EPC2: variants seen among roughly 807,000 people sequenced by gnomAD.
EPC2 encodes the protein enhancer of polycomb 2, also known as enhancer of polycomb homolog 2.
A neutral mutation model predicts 92.1 loss-of-function variants in EPC2; 14 were observed. That is an observed-to-expected ratio of 0.15 (90% CI 0.10 to 0.24). The LOEUF (loss-of-function observed/expected upper bound fraction) is 0.24. Ranked by LOEUF, EPC2 falls within the 10% of genes least tolerant of loss-of-function variation. The pLI is 1.00. For missense variants in EPC2, 755 were observed against 971.5 expected (o/e 0.78, Z 2.96); for synonymous variants, 340 against 334.7 (o/e 1.02, Z -0.17).
At chr2:148,752,244 T>C (rs1683094439) in intron 3 of EPC2, among the ~76,000 whole-genome samples, 1 of 151,954 alleles carries the variant, frequency 6.6e-6, no homozygotes. Flanking sequence ...AGAAGTGAAA[T>C]GATCAAGAAG....
At chr2:148,784,400 A>G (rs796701984) in intron 12 of EPC2, among the ~76,000 whole-genome samples, 1 of 152,166 alleles carries the variant, frequency 6.6e-6, no homozygotes, top group African/African-American at 2.4e-5. Context: ...GTCCTGTTAT[A>G]CTTAACTCCA....
intron 2 of EPC2, among the ~76,000 whole-genome samples, chr2:148,709,345 G>A (rs1282332684): frequency 6.6e-6 from 1 of 152,028 alleles, no homozygotes; most frequent in African/African-American, 2.4e-5. Flanking sequence ...AAATAAAAGA[G>A]GACACAAACA....
chr2:148,721,890 C>CTTTTTTTTTTTTTTTTTTTTTTTT, intron 2 of EPC2, among the ~76,000 whole-genome samples: 1 of 60,728 alleles, frequency 1.6e-5, no homozygotes, highest in African/African-American at 6.5e-5. Flanking sequence ...GTTTTGATTT[C>CTTTTTTTTTTTTTTTTTTTTTTTT]TTTTTTTTTT....
chr2:148,678,250 A>G (rs1346737878), intron 1 of EPC2, among the ~76,000 whole-genome samples: 1 of 152,206 alleles, frequency 6.6e-6, no homozygotes, highest in Admixed American at 6.5e-5. Flanking sequence ...AGCTAGATAC[A>G]GAGTGCCGAT....
intron 1 of EPC2, among the ~76,000 whole-genome samples, chr2:148,689,128 G>A (rs1433775033): frequency 6.6e-6 from 1 of 152,026 alleles, no homozygotes; most frequent in African/African-American, 2.4e-5. Context: ...GGAGAGGAGA[G>A]AGGTTGGAAA....
chr2:148,717,282 G>T (rs1364010024), intron 2 of EPC2, among the ~76,000 whole-genome samples: 2 of 147,566 alleles, frequency 1.4e-5, no homozygotes, highest in Non-Finnish European at 3.0e-5. Flanking sequence ...TCTACTGGTA[G>T]CTTTGGGGTC....
chr2:148,707,482 T>C (rs1682027054), intron 2 of EPC2, among the ~76,000 whole-genome samples: 1 of 152,134 alleles, frequency 6.6e-6, no homozygotes, highest in African/African-American at 2.4e-5. Context: ...TGAACTCAGC[T>C]CTGCAACAAG....
At chr2:148,737,087 G>A (rs1041367837) in intron 2 of EPC2, among the ~76,000 whole-genome samples, 5 of 152,200 alleles carry the variant, frequency 3.3e-5, no homozygotes, top group Non-Finnish European at 4.4e-5. Flanking sequence ...AGCAGAGCAA[G>A]ACCATGTCTC....
rs1051227338 is a variant in EPC2 at position 148,644,959 on chromosome 2, C to T, written c.-59C>T. The stretch of plus-strand genomic sequence containing the variant: ...GTGGAGGAGGCGGCGGGAGTCCTCC[C>T]CCCCTCCCCGCCCGCCCCGCCGCCG... On this transcript the variant is annotated 5_prime_UTR_variant, in exon 1 of 14. Transcript: ENST00000258484. 1.3e-5 allele frequency: 19 copies of T among 1,438,766 alleles called. No homozygotes were observed. The Admixed American group carries it at 3.0e-4, about 23-fold the overall frequency. 89.1% of individuals were successfully genotyped at this position (1,438,766 alleles called of 1,614,324 possible).
chr2:148,754,097 C>T lies in EPC2; in HGVS notation c.630C>T (p.Ala210=), dbSNP rs772052540. Residue 210 remains alanine, a synonymous_variant, in exon 4 of 14, where the codon GCC becomes GCT. Transcript: ENST00000258484. Reference sequence around the variant, plus strand: ...CTACCAACAATGACCCTTATGTTGCCTTTCGGAGAAGAACAGAGAAAATGC... The same window carrying T: ...CTACCAACAATGACCCTTATGTTGCTTTTCGGAGAAGAACAGAGAAAATGC... ...DGSTNNDPYV[A]FRRRTEKMQT... 3.7e-6 allele frequency: 6 copies of T among 1,608,504 alleles called. No homozygotes were observed. The African/African-American group carries it at 6.7e-5, about 18-fold the overall frequency.
intron 2 of EPC2, among the ~76,000 whole-genome samples, chr2:148,723,372 C>A (rs993037027): frequency 6.6e-6 from 1 of 152,172 alleles, no homozygotes; most frequent in Non-Finnish European, 1.5e-5. Flanking sequence ...GTAAGGGCTT[C>A]CCAGTGACTG....
At chr2:148,731,051 G>T (rs1157967145) in intron 2 of EPC2, among the ~76,000 whole-genome samples, 1 of 152,098 alleles carries the variant, frequency 6.6e-6, no homozygotes, top group Non-Finnish European at 1.5e-5. Flanking sequence ...TGTTCCTGCT[G>T]CTCTGTTTAG....
In EPC2 at chr2:148,723,294, A is replaced by G. The variant is rs1682421282; in HGVS notation, c.314-20328A>G. ...TGCTTACCTTTCTGGAAGCACAAAG[A>G]TATTTTTTCCCTAAGTATTCACTGT... On this transcript the variant is annotated intron_variant, in intron 2 of 13. Transcript: ENST00000258484. 3.9e-5 allele frequency among the ~76,000 whole-genome samples: 6 copies of G among 152,314 alleles called. No homozygotes were observed. The South Asian group carries it at 1.2e-3, about 32-fold the overall frequency.
chr2:148,733,847 T>A (rs181668719), intron 2 of EPC2, among the ~76,000 whole-genome samples: 2 of 152,284 alleles, frequency 1.3e-5, no homozygotes, highest in East Asian at 3.9e-4. Flanking sequence ...GTTTGTTCAT[T>A]TTGTTTTACC....
chr2:148,759,551 A>T (rs1037442919), intron 4 of EPC2, among the ~76,000 whole-genome samples: 4 of 152,192 alleles, frequency 2.6e-5, no homozygotes, highest in African/African-American at 4.8e-5. Flanking sequence ...ATTAATGTTA[A>T]TTTCCAGACT....
intron 3 of EPC2, among the ~76,000 whole-genome samples, chr2:148,748,047 G>A (rs1683017943): frequency 6.6e-6 from 1 of 152,090 alleles, no homozygotes; most frequent in Non-Finnish European, 1.5e-5. Context: ...GATCGTGAGA[G>A]TGGATTTTCC....
intron 2 of EPC2, among the ~76,000 whole-genome samples, chr2:148,699,705 G>T (rs1009130544): frequency 2.6e-5 from 4 of 152,112 alleles, no homozygotes; most frequent in Non-Finnish European, 4.4e-5. Flanking sequence ...CTAAACATTT[G>T]TATGTAGGTT....
chr2:148,658,552 G>A lies in EPC2; in HGVS notation c.153+13382G>A, dbSNP rs74463561. ...GTCACAAATAAAATTTAGCAAGTAG[G>A]CGAATTTGCAAATAGGGAATTTGCA... On this transcript the variant is annotated intron_variant, in intron 1 of 13. Transcript: ENST00000258484. 7.3e-4 allele frequency among the ~76,000 whole-genome samples: 111 copies of A among 151,652 alleles called. No individual in the cohort carries two copies. In the East Asian group the frequency reaches 0.013, roughly 17 times the overall value.
At chr2:148,741,944 C>CA (rs1160077230) in intron 2 of EPC2, among the ~76,000 whole-genome samples, 1 of 152,074 alleles carries the variant, frequency 6.6e-6, no homozygotes, top group Non-Finnish European at 1.5e-5. Flanking sequence ...CATATATATC[C>CA]AACCTTGTCC....
Sources: gnomAD v4.1 joint callset for allele counts (sites outside exome capture counted in the v4.1 genomes callset) on GRCh38, gnomAD v4.1.1 for gene constraint, MANE v1.5 for transcripts, NCBI Gene and HGNC (gene_info 2026-07-23, HGNC 2026-07-21) for gene names.